Variants in SYT9 observed in about 807,000 individuals in gnomAD.
The protein encoded by SYT9 is synaptotagmin 9.
In SYT9, 22 loss-of-function variants were observed where a neutral mutation model predicts 48.4. That is an observed-to-expected ratio of 0.45 (90% confidence interval 0.32 to 0.65). The LOEUF (loss-of-function observed/expected upper bound fraction) is 0.65, where lower values mean the gene tolerates loss of function less well. SYT9 is among the 30% of genes least tolerant of loss of function. The pLI is 0.03. For synonymous variants in SYT9, 265 were observed against 245.0 expected (o/e 1.08, Z -0.76); for missense variants, 577 against 622.0 (o/e 0.93, Z 0.77).
At chr11:7,326,513 T>C in intron 3 of SYT9, among the ~76,000 whole-genome samples, 1 of 151,248 alleles carries the variant, frequency 6.6e-6, no homozygotes, top group Non-Finnish European at 1.5e-5. Context: ...TTTTTTTCTT[T>C]ATTAGTCTTG....
At chr11:7,465,095 C>T (rs942253074) in intron 6 of SYT9, among the ~76,000 whole-genome samples, 2 of 151,556 alleles carry the variant, frequency 1.3e-5, no homozygotes, top group South Asian at 2.1e-4. Context: ...TCAAAAAAAA[C>T]GAAAGTAGAG....
chr11:7,313,698 T>C lies in SYT9; in HGVS notation c.801T>C (p.Asp267=). ...DPYVKIYLLP[D]RKTKHQTKVH... ...ATGTCAAGATCTATTTGCTTCCTGA[T>C]CGGAAAACAAAACACCAGACTAAAG... The change falls in exon 3 of 7, where the codon GAT becomes GAC. Residue 267 remains aspartate, a synonymous_variant. Coordinates refer to ENST00000318881, the MANE Select transcript of SYT9 (RefSeq NM_175733.4). 1 of 1,614,152 alleles carries C rather than the reference T, an allele frequency of 6.2e-7. No homozygotes were observed. Among genetic ancestry groups the C allele is most frequent in the Non-Finnish European group, 8.5e-7 (1 of 1,180,000 alleles).
chr11:7,404,524 G>A (rs567176617), intron 3 of SYT9, among the ~76,000 whole-genome samples: 1 of 152,014 alleles, frequency 6.6e-6, no homozygotes, highest in African/African-American at 2.4e-5. Context: ...AACTTATACT[G>A]GCTAACTTGA....
intron 3 of SYT9, among the ~76,000 whole-genome samples, chr11:7,326,272 T>A (rs1273376027): frequency 2.1e-5 from 1 of 46,772 alleles, no homozygotes; most frequent in Non-Finnish European, 4.2e-5. Flanking sequence ...AAACTATTGA[T>A]TATTGCCACA....
intron 6 of SYT9, among the ~76,000 whole-genome samples, chr11:7,434,641 C>A (rs1411877553): frequency 6.6e-6 from 1 of 152,116 alleles, no homozygotes; most frequent in East Asian, 1.9e-4. Flanking sequence ...TATGGCAGGG[C>A]AGCCAGCGGA....
chr11:7,270,136 G>T (rs1848267266), intron 1 of SYT9, among the ~76,000 whole-genome samples: 1 of 151,908 alleles, frequency 6.6e-6, no homozygotes. Context: ...TCAATTCTTT[G>T]GTAACTCCTT....
rs191493920 is a variant in SYT9, at chr11:7,266,532, A to T, written c.145+14201A>T. Among the ~76,000 whole-genome samples, 462 of 152,276 alleles carry T rather than the reference A, an allele frequency of 3.0e-3. 1 individual carries two copies. Among genetic ancestry groups the T allele is most frequent in the South Asian group, 8.5e-3 (41 of 4,828 alleles). On this transcript the variant is annotated intron_variant, in intron 1 of 6. Transcript: ENST00000318881. ...AAATCTAATCCCCACAGGTTCAGTT[A>T]GAGAGGATCCACTCTGCACGCTGAT...
chr11:7,337,837 GTCTGCC>G (rs890266984), intron 3 of SYT9, among the ~76,000 whole-genome samples: 3 of 151,656 alleles, frequency 2.0e-5, no homozygotes, highest in Admixed American at 2.0e-4. Context: ...TATTTTGTGT[GTCTGCC>G]AGGCTTTGAT....
At chr11:7,328,459 C>T (rs1467944875) in intron 3 of SYT9, among the ~76,000 whole-genome samples, 3 of 152,018 alleles carry the variant, frequency 2.0e-5, no homozygotes, top group Non-Finnish European at 2.9e-5. Context: ...TTACAATATG[C>T]GTTGTTAATT....
At chr11:7,441,106 T>C (rs1847822441) in intron 6 of SYT9, 1 of 152,322 alleles carries the variant, frequency 6.6e-6, no homozygotes, top group Non-Finnish European at 1.5e-5. Flanking sequence ...CACAGCCTTG[T>C]AGATATAACT....
At chr11:7,284,636 T>G (rs148863194) in intron 1 of SYT9, among the ~76,000 whole-genome samples, 1,847 of 152,244 alleles carry the variant, frequency 0.012, 18 homozygotes, top group Middle Eastern at 0.037. Flanking sequence ...CTTGAAGTTC[T>G]GATATTTCAT....
upstream of SYT9, among the ~76,000 whole-genome samples, chr11:7,250,478 G>A (rs907018205): frequency 2.7e-5 from 3 of 109,138 alleles, no homozygotes; most frequent in African/African-American, 1.1e-4. Context: ...CACTATCTCT[G>A]GTGTCACCTT....
At chr11:7,383,208 G>A (rs1047137655) in intron 3 of SYT9, among the ~76,000 whole-genome samples, 1 of 152,196 alleles carries the variant, frequency 6.6e-6, no homozygotes, top group African/African-American at 2.4e-5. Flanking sequence ...ACACTTGAGA[G>A]AAATGTTACA....
At chr11:7,404,640 T>C (rs1243605867) in intron 3 of SYT9, among the ~76,000 whole-genome samples, 1 of 152,118 alleles carries the variant, frequency 6.6e-6, no homozygotes, top group African/African-American at 2.4e-5. Flanking sequence ...TTTATGCATC[T>C]CAATATCGAT....
At chr11:7,324,701 T>G (rs1200957135) in intron 3 of SYT9, among the ~76,000 whole-genome samples, 1 of 151,998 alleles carries the variant, frequency 6.6e-6, no homozygotes, top group East Asian at 1.9e-4. Flanking sequence ...CATAGTTTTT[T>G]TAAGCATTAT....
intron 6 of SYT9, among the ~76,000 whole-genome samples, chr11:7,460,185 G>T (rs1848213255): frequency 6.6e-6 from 1 of 152,106 alleles, no homozygotes; most frequent in Non-Finnish European, 1.5e-5. Context: ...CTGTTATAAT[G>T]ATTATAGATC....
At chr11:7,250,467 A>G (rs1171453234), upstream of SYT9, among the ~76,000 whole-genome samples, 1 of 27,630 alleles carries the variant, frequency 3.6e-5, no homozygotes, top group African/African-American at 1.3e-4. Flanking sequence ...CCCCAGCATC[A>G]CACTATCTCT....
At chr11:7,421,549 C>T (rs1379575990) in intron 6 of SYT9, among the ~76,000 whole-genome samples, 1 of 152,144 alleles carries the variant, frequency 6.6e-6, no homozygotes. Context: ...AAAGTGAAAA[C>T]CTGGAGTCAA....
chr11:7,346,525 G>A (rs1849804220), intron 3 of SYT9, among the ~76,000 whole-genome samples: 1 of 152,150 alleles, frequency 6.6e-6, no homozygotes, highest in South Asian at 2.1e-4. Context: ...CCCTTCTGAT[G>A]TCTCTGTCTT....
Sources: allele counts gnomAD v4.1 joint callset (sites outside exome capture counted in the v4.1 genomes callset), GRCh38; gene constraint gnomAD v4.1.1; transcripts MANE v1.5; gene names NCBI Gene and HGNC (gene_info 2026-07-23, HGNC 2026-07-21).